Variants in RHBDD1 observed in about 807,000 individuals in gnomAD.
RHBDD1 encodes the protein rhomboid-related protein 4.
RHBDD1 carries 38 observed loss-of-function variants against 36.3 expected under a neutral mutation model. The observed-to-expected ratio is 1.05, with a 90% confidence interval of 0.81 to 1.37. RHBDD1 has a LOEUF of 1.37. Ranked by LOEUF, RHBDD1 falls within the 40% of genes most tolerant of loss-of-function variation. The pLI, the probability that RHBDD1 is intolerant of heterozygous loss-of-function variation, is 0.00. For missense variants in RHBDD1, 393 were observed against 377.6 expected, an observed-to-expected ratio of 1.04 and a Z score of -0.34; for synonymous variants, 151 against 136.5, an observed-to-expected ratio of 1.11 and a Z score of -0.74.
chr2:226,949,494 G>A lies in RHBDD1; in HGVS notation c.856+35143G>A, dbSNP rs189130801. 4.4e-3 allele frequency among the ~76,000 whole-genome samples: 674 copies of A among 152,272 alleles called. 4 individuals carry two copies. The highest frequency in any genetic ancestry group is 7.0e-3 in the Non-Finnish European group (475 of 68,026). The stretch of plus-strand genomic sequence containing the variant: ...TGACATAGGTCCCATAGCTAATAAA[G>A]GGTAGGGCTGAGACTGGATGGAACC... On this transcript the variant is annotated intron_variant, in intron 8 of 8. Coordinates refer to ENST00000392062, the MANE Select transcript of RHBDD1 (RefSeq NM_001167608.3).
intron 8 of RHBDD1, among the ~76,000 whole-genome samples, chr2:226,988,156 T>C (rs1957412099): frequency 6.6e-6 from 1 of 152,194 alleles, no homozygotes; most frequent in South Asian, 2.1e-4. Context: ...TTAAACACTC[T>C]TGCCCTCACT....
chr2:226,958,113 A>G (rs1245119878), intron 8 of RHBDD1, among the ~76,000 whole-genome samples: 1 of 152,260 alleles, frequency 6.6e-6, no homozygotes, highest in Non-Finnish European at 1.5e-5. Flanking sequence ...TATTCATAAT[A>G]GCCAAAAAGT....
At chr2:226,926,777 A>G (rs928531401) in intron 8 of RHBDD1, among the ~76,000 whole-genome samples, 19 of 152,292 alleles carry the variant, frequency 1.2e-4, no homozygotes, top group Admixed American at 7.2e-4. Context: ...AAGTGATACT[A>G]TGTCACCATA....
rs1467937269 is a variant in RHBDD1 at position 226,908,842 on chromosome 2, G to A, written c.676G>A (p.Gly226Ser). Residue 226 changes from glycine to serine, a missense_variant, in exon 7 of 9, where the codon GGT (glycine) becomes AGT (serine). By Grantham distance (56) the Gly-to-Ser change is moderately conservative. Transcript: ENST00000392062. ...ACAGGFSSSVGYPGRQYYFNS... is the reference protein window; with the variant it reads ...ACAGGFSSSVSYPGRQYYFNS... ...TTTAGGCGGTTTTTCCTCCAGTGTT[G>A]GTTACCCAGGACGGCAATACTACTT... The A allele has an allele frequency of 1.2e-6, 2 of 1,607,982 alleles. No homozygotes were observed. The highest frequency in any genetic ancestry group is 1.7e-6 in the Non-Finnish European group (2 of 1,174,534).
chr2:226,801,120 T>A, the RHBDD1 span, among the ~76,000 whole-genome samples: 1 of 152,186 alleles, frequency 6.6e-6, no homozygotes, highest in Admixed American at 6.5e-5. Context: ...GCCGGGACCC[T>A]CCTCGGCCTC....
At position 226,908,582 on chromosome 2, in the gene RHBDD1, TACACACACACACACAC is replaced by T. The variant is rs10559846; in HGVS notation, c.656-216_656-201del. 7.2e-3 allele frequency: 2,486 copies of T among 346,862 alleles called. 25 individuals are homozygous for T. The highest frequency in any genetic ancestry group is 0.061 in the South Asian group (1,003 of 16,402). 21.5% of individuals were successfully genotyped at this position (346,862 alleles called of 1,614,324 possible). On this transcript the variant is annotated intron_variant, in intron 6 of 8. Transcript: ENST00000392062. Reference sequence around the variant, plus strand: ...TGTAAATTAGGGTTTCATTTTCCACTACACACACACACACACACACACACACACACACACACACATT... The same window carrying T: ...TGTAAATTAGGGTTTCATTTTCCACTACACACACACACACACACACACATT...
intron 8 of RHBDD1, among the ~76,000 whole-genome samples, chr2:226,973,515 A>G (rs538435680): frequency 3.9e-5 from 6 of 152,356 alleles, no homozygotes; most frequent in East Asian, 3.9e-4. Context: ...GATCAAGAGC[A>G]AAGCTCTACT....
intron 5 of RHBDD1, among the ~76,000 whole-genome samples, chr2:226,881,712 G>A (rs1945754609): frequency 6.6e-6 from 1 of 152,210 alleles, no homozygotes; most frequent in Non-Finnish European, 1.5e-5. Context: ...ATATGAAAGT[G>A]CTGGCTTTCC....
At chr2:226,875,739 G>A (rs536214361) in intron 5 of RHBDD1, among the ~76,000 whole-genome samples, 14 of 152,288 alleles carry the variant, frequency 9.2e-5, no homozygotes, top group Non-Finnish European at 1.6e-4. Flanking sequence ...TAGGAAGCTT[G>A]GCAAATTTAT....
intron 3 of RHBDD1, among the ~76,000 whole-genome samples, chr2:226,858,218 C>T (rs1943517907): frequency 1.3e-5 from 2 of 152,126 alleles, no homozygotes; most frequent in South Asian, 4.1e-4. Flanking sequence ...ATATTCAAAA[C>T]TGTTAAATGA....
chr2:226,821,120 T>A, the RHBDD1 span, among the ~76,000 whole-genome samples: 5 of 152,174 alleles, frequency 3.3e-5, no homozygotes, highest in African/African-American at 9.7e-5. Flanking sequence ...TTGAGCCCCC[T>A]ACTATGTTCC....
At chr2:226,939,412 G>C (rs2149145562) in intron 8 of RHBDD1, among the ~76,000 whole-genome samples, 1 of 152,318 alleles carries the variant, frequency 6.6e-6, no homozygotes, top group African/African-American at 2.4e-5. Flanking sequence ...AAGCTGATAA[G>C]CAACTTCAGC....
intron 8 of RHBDD1, among the ~76,000 whole-genome samples, chr2:226,991,221 G>A (rs1189767667): frequency 6.6e-6 from 1 of 152,096 alleles, no homozygotes; most frequent in East Asian, 1.9e-4. Flanking sequence ...TCACTCTGTT[G>A]CCAGGCTGAA....
the RHBDD1 span, among the ~76,000 whole-genome samples, chr2:226,826,589 C>T: frequency 3.4e-5 from 5 of 144,970 alleles, no homozygotes; most frequent in South Asian, 2.2e-4. Context: ...GGCACAATCT[C>T]GGCTCACTGC....
At chr2:226,813,906 C>T in the RHBDD1 span, among the ~76,000 whole-genome samples, 2 of 152,146 alleles carry the variant, frequency 1.3e-5, no homozygotes, top group African/African-American at 4.8e-5. Context: ...ACAGAAATTT[C>T]ATATGTAAAA....
At chr2:226,938,880 A>G (rs562313510) in intron 8 of RHBDD1, among the ~76,000 whole-genome samples, 43 of 152,308 alleles carry the variant, frequency 2.8e-4, no homozygotes, top group African/African-American at 9.1e-4. Context: ...AAAATCCTCA[A>G]CAAAATACTG....
intron 3 of RHBDD1, among the ~76,000 whole-genome samples, chr2:226,844,440 T>C (rs1024373654): frequency 2.6e-5 from 4 of 152,242 alleles, no homozygotes; most frequent in African/African-American, 9.6e-5. Context: ...TGTGGTAATA[T>C]AACATATATT....
the RHBDD1 span, among the ~76,000 whole-genome samples, chr2:226,825,993 G>A: frequency 6.6e-6 from 1 of 152,188 alleles, no homozygotes; most frequent in African/African-American, 2.4e-5. Flanking sequence ...ATCGTTTTTA[G>A]CTAGTAGGGG....
intron 3 of RHBDD1, among the ~76,000 whole-genome samples, chr2:226,856,970 A>C (rs558339725): frequency 6.6e-6 from 1 of 152,256 alleles, no homozygotes; most frequent in East Asian, 1.9e-4. Context: ...GTTATATCAC[A>C]GGGGAATGGT....
Sources: gnomAD v4.1 joint callset for allele counts (sites outside exome capture counted in the v4.1 genomes callset) on GRCh38, gnomAD v4.1.1 for gene constraint, MANE v1.5 for transcripts, NCBI Gene and HGNC (gene_info 2026-07-23, HGNC 2026-07-21) for gene names.